Variants in PAXIP1 observed in about 807,000 individuals in gnomAD.
PAXIP1 encodes PAX interacting protein 1.
PAXIP1 carries 19 observed loss-of-function variants against 140.6 expected under a neutral mutation model. The observed-to-expected ratio is 0.14, with a 90% CI of 0.09 to 0.20. The LOEUF (loss-of-function observed/expected upper bound fraction) is 0.20. Ranked by LOEUF, PAXIP1 falls within the 10% of genes least tolerant of loss-of-function variation. The pLI, the probability that PAXIP1 is intolerant of heterozygous loss-of-function variation, is 1.00. For missense variants in PAXIP1, 920 were observed against 1,208.6 expected (o/e 0.76, Z 3.54); for synonymous variants, 442 against 444.6 (o/e 0.99, Z 0.07).
chr7:154,977,035 G>A (rs559171696), intron 5 of PAXIP1, among the ~76,000 whole-genome samples: 39 of 152,296 alleles, frequency 2.6e-4, no homozygotes, highest in African/African-American at 9.1e-4. Context: ...GGAAAGCCCC[G>A]TTGAAAGGTG....
intron 20 of PAXIP1, chr7:154,944,393 C>T (rs186699895): frequency 4.9e-6 from 2 of 411,182 alleles, no homozygotes; most frequent in Non-Finnish European, 8.9e-6. Flanking sequence ...GTGCCAGCTC[C>T]GCAAGGTATC....
At chr7:154,997,488 G>A (rs1231476509) in intron 2 of PAXIP1, among the ~76,000 whole-genome samples, 1 of 152,070 alleles carries the variant, frequency 6.6e-6, no homozygotes, top group African/African-American at 2.4e-5. Flanking sequence ...TTCTTTTTAA[G>A]GCAAAGCATT....
intron 2 of PAXIP1, among the ~76,000 whole-genome samples, chr7:154,994,306 G>T (rs1023064240): frequency 2.6e-5 from 4 of 151,958 alleles, no homozygotes; most frequent in African/African-American, 9.7e-5. Flanking sequence ...TTATATTTTT[G>T]AAAAATTATC....
intron 20 of PAXIP1, chr7:154,945,106 C>T (rs1408352210): frequency 1.3e-5 from 2 of 151,756 alleles, no homozygotes; most frequent in Non-Finnish European, 2.9e-5. Context: ...TCCTGCCTCA[C>T]CAAGTAGCTG....
chr7:154,986,070 G>A lies in PAXIP1; in HGVS notation c.325-2738C>T, dbSNP rs1171140160. ...TGCATCAATACCGGGTCAGAAGAAG[G>A]CAGATGATCTCTGTGCTTCCCAACT... On this transcript the variant is annotated intron_variant, in intron 4 of 20. Transcript: ENST00000404141. This position sits in a 1 kb window ranked among gnomAD's most constrained non-coding sequence, Gnocchi z 4.8. 3.7e-6 allele frequency: 5 copies of A among 1,364,920 alleles called. No individual in the cohort carries two copies. The highest frequency in any genetic ancestry group is 1.9e-5 in the Admixed American group (1 of 52,368). 84.6% of individuals were successfully genotyped at this position (1,364,920 alleles called of 1,614,324 possible). A position where few individuals can be genotyped will look rare whatever the true frequency, so the allele number is the denominator to read the frequency against.
At chr7:154,989,440 CTAAA>C (rs1484552146) in intron 4 of PAXIP1, among the ~76,000 whole-genome samples, 1 of 152,150 alleles carries the variant, frequency 6.6e-6, no homozygotes, top group Non-Finnish European at 1.5e-5. Context: ...AAAAAGATGA[CTAAA>C]TACTTTTTCA....
intron 11 of PAXIP1, 43 bp from the exon 12 acceptor site, chr7:154,961,120 A>C (rs1324355897): frequency 3.7e-6 from 5 of 1,348,062 alleles, no homozygotes; most frequent in Non-Finnish European, 5.0e-6. Flanking sequence ...TAAATGTTAG[A>C]GATGTCAACT....
chr7:155,002,472 G>A (rs1027327671), intron 1 of PAXIP1, among the ~76,000 whole-genome samples: 2 of 152,020 alleles, frequency 1.3e-5, no homozygotes, highest in African/African-American at 4.8e-5. Context: ...TGCTCTCCCG[G>A]GAGCCGAGAC....
chr7:155,002,289 G>C (rs141351401), intron 1 of PAXIP1, among the ~76,000 whole-genome samples: 5 of 152,216 alleles, frequency 3.3e-5, no homozygotes. Context: ...CACGTGCAGG[G>C]ACACAGGCTG....
Position 154,944,091 on chromosome 7 carries a change from C to CA in PAXIP1, c.*57dup. On this transcript the variant is annotated 3_prime_UTR_variant, in exon 21 of 21. Transcript: ENST00000404141. ...TGAAGGAAGCGCAGCAGCTCCTCGC[C>CA]AGCCAGACAGCCAGCCCCGCACCGC... 1 of 1,590,930 alleles carries CA rather than the reference C, an allele frequency of 6.3e-7. No individual in the cohort carries two copies. Among genetic ancestry groups the CA allele is most frequent in the Non-Finnish European group, 8.6e-7 (1 of 1,161,458 alleles).
intron 16 of PAXIP1, chr7:154,949,396 C>T (rs1043643532): frequency 6.6e-6 from 1 of 152,100 alleles, no homozygotes; most frequent in Non-Finnish European, 1.5e-5. Flanking sequence ...AAATCAATCC[C>T]TGAGTCAACC....
intron 4 of PAXIP1, among the ~76,000 whole-genome samples, chr7:154,984,785 A>C (rs1390145684): frequency 6.6e-6 from 1 of 152,228 alleles, no homozygotes; most frequent in East Asian, 1.9e-4. Context: ...TCTTTATTAA[A>C]AATGAAATTA....
intron 4 of PAXIP1, among the ~76,000 whole-genome samples, chr7:154,989,914 C>T (rs949473580): frequency 6.6e-6 from 1 of 152,116 alleles, no homozygotes. Context: ...GTTTCTTAAA[C>T]ATTCCCAAAT....
At position 154,946,135 on chromosome 7, in the gene PAXIP1, T is replaced by G. The variant is rs905793052; in HGVS notation, c.3194+230A>C. 2.3e-5 allele frequency: 22 copies of G among 976,098 alleles called. No homozygotes were observed. Among genetic ancestry groups the G allele is most frequent in the Non-Finnish European group, 2.6e-5 (21 of 821,482 alleles). The allele number at this position is 976,098 out of a possible 1,614,324, so 60.5% of individuals were successfully genotyped here. ...CCATAAACTAGACAGTATAGATCCT[T>G]TCTAATTAACATCACCTATTAAAAC... is the stretch of plus-strand genomic sequence containing the variant. On this transcript the variant is annotated intron_variant, in intron 20 of 20. Coordinates refer to ENST00000404141, the MANE Select transcript of PAXIP1 (RefSeq NM_007349.4). The surrounding 1 kb of genome is among the most constrained non-coding windows in gnomAD (Gnocchi z 4.9).
chr7:154,968,321 C>G (rs748031244), intron 7 of PAXIP1, 82 bp downstream of exon 7: 1 of 1,159,194 alleles, frequency 8.6e-7, no homozygotes, highest in Non-Finnish European at 1.2e-6. Context: ...TATGAATCCT[C>G]ACCCCACACT....
chr7:154,979,224 C>T (rs557574250), intron 5 of PAXIP1, among the ~76,000 whole-genome samples: 1 of 152,274 alleles, frequency 6.6e-6, no homozygotes, highest in East Asian at 1.9e-4. Flanking sequence ...TCCCCTCTCC[C>T]CAACAACTAA....
rs1466551983 is a variant in PAXIP1, at chr7:155,003,048, G to A, written c.-119C>T. 4.0e-6 allele frequency: 1 copy of A among 252,688 alleles called. No individual in the cohort carries two copies. 15.7% of individuals were successfully genotyped at this position (252,688 alleles called of 1,614,324 possible). A position where few individuals can be genotyped will look rare whatever the true frequency, so the allele number is the denominator to read the frequency against. ...GCCAACGGCCCTGCCCGCGCAGCCC[G>A]GGCCCGGTCCTGCGAATCGGGGTCC... On this transcript the variant is annotated 5_prime_UTR_variant, in exon 1 of 21. Coordinates refer to ENST00000404141, the MANE Select transcript of PAXIP1 (RefSeq NM_007349.4).
Position 154,983,345 on chromosome 7 carries a change from T to A in PAXIP1, c.325-13A>T, listed in dbSNP as rs758154289. ...CTTCAGATGACACCTGACAGAAAGT[T>A]AGAAAGAAGGCTTTTACCATACATT... On this transcript the variant is annotated splice_polypyrimidine_tract_variant and intron_variant, in intron 4 of 20. Coordinates refer to ENST00000404141, the MANE Select transcript of PAXIP1 (RefSeq NM_007349.4). 1.5e-6 allele frequency: 2 copies of A among 1,353,508 alleles called. No individual in the cohort carries two copies. The highest frequency in any genetic ancestry group is 2.1e-6 in the Non-Finnish European group (2 of 946,250). The allele number at this position is 1,353,508 out of a possible 1,614,324, so 83.8% of individuals were successfully genotyped here. A position where few individuals can be genotyped will look rare whatever the true frequency, so the allele number is the denominator to read the frequency against.
chr7:154,997,224 A>G (rs1810674889), intron 2 of PAXIP1, among the ~76,000 whole-genome samples: 1 of 152,164 alleles, frequency 6.6e-6, no homozygotes, highest in Admixed American at 6.5e-5. Flanking sequence ...CTTAATGGCA[A>G]TCTTTCTATT....
Sources: allele counts gnomAD v4.1 joint callset (sites outside exome capture counted in the v4.1 genomes callset), GRCh38; gene constraint gnomAD v4.1.1; non-coding constraint Gnocchi (gnomAD v3.1); transcripts MANE v1.5; gene names NCBI Gene and HGNC (gene_info 2026-07-23, HGNC 2026-07-21).